NOS1: variants seen among roughly 807,000 people sequenced by gnomAD.
NOS1 encodes the protein nitric oxide synthase 1.
NOS1 carries 51 observed loss-of-function variants against 164.5 expected under a neutral mutation model. That is an observed-to-expected ratio of 0.31 (90% CI 0.25 to 0.39). The LOEUF is 0.39. Among genes scored for constraint, NOS1 ranks in the 10% least tolerant of loss-of-function variants. The probability of loss-of-function intolerance (pLI) is 1.00; values close to 1 mark genes in which losing one functional copy is unlikely to be tolerated. For missense variants in NOS1, 1,362 were observed against 1,885.6 expected (o/e 0.72, Z 5.14); for synonymous variants, 719 against 745.8 (o/e 0.96, Z 0.59).
chr12:117,325,937 T>C (rs528110633), intron 2 of NOS1, among the ~76,000 whole-genome samples: 1 of 152,392 alleles, frequency 6.6e-6, no homozygotes, highest in East Asian at 1.9e-4. Context: ...CTTCATTTTA[T>C]AGTTAATGGC....
intron 7 of NOS1, 95 bp from the exon 8 acceptor site, chr12:117,280,961 A>C: frequency 7.0e-7 from 1 of 1,435,016 alleles, no homozygotes; most frequent in East Asian, 2.3e-5. Context: ...CAGCTGCTTG[A>C]GGCTCAGGGT....
At position 117,272,324 on chromosome 12, in the gene NOS1, T is replaced by C. The variant is rs1872850955; in HGVS notation, c.1839+61A>G. ...CCAAGCTCGCCGTGGGGAAGGGGAC[T>C]GCTGAGCTGGCACCCTCTGCTATGT... is the stretch of plus-strand genomic sequence containing the variant. On this transcript the variant is annotated intron_variant, in intron 10 of 28. Transcript: ENST00000317775. The surrounding 1 kb of genome is among the most constrained non-coding windows in gnomAD (Gnocchi z 4.3). 1 of 1,588,680 alleles carries C rather than the reference T, an allele frequency of 6.3e-7. No homozygotes were observed. The highest frequency in any genetic ancestry group is 8.6e-7 in the Non-Finnish European group (1 of 1,159,030).
At chr12:117,257,539 G>C (rs977097181) in intron 16 of NOS1, among the ~76,000 whole-genome samples, 1 of 151,000 alleles carries the variant, frequency 6.6e-6, no homozygotes, top group Non-Finnish European at 1.5e-5. Context: ...TTCTAGATTA[G>C]CTGCAACTTC....
In NOS1 at chr12:117,258,513, C is replaced by T. The variant is rs373684705; in HGVS notation, c.2473-58G>A. The T allele has an allele frequency of 6.1e-5, 95 of 1,563,268 alleles. 1 individual carries two copies. In the South Asian group the frequency reaches 9.2e-4, roughly 15 times the overall value. Reference sequence around the variant, plus strand: ...CATCTTAGTAAATGGGAAATCAGGTCGGATACTGAGGGTCTGGGGTCCTGG... The same window carrying T: ...CATCTTAGTAAATGGGAAATCAGGTTGGATACTGAGGGTCTGGGGTCCTGG... On this transcript the variant is annotated intron_variant, in intron 15 of 28. Transcript: ENST00000317775.
intron 17 of NOS1, 77 bp downstream of exon 17, chr12:117,253,561 C>A: frequency 1.0e-6 from 1 of 959,518 alleles, no homozygotes; most frequent in South Asian, 1.4e-5. Context: ...CAACGAAGCG[C>A]TCACTTTGTA....
chr12:117,256,104 G>T, intron 16 of NOS1: 1 of 819,928 alleles, frequency 1.2e-6, no homozygotes, highest in Non-Finnish European at 1.8e-6. Flanking sequence ...CCTGCTGGGA[G>T]GCCATCTAGG....
At chr12:117,314,159 C>G (rs555149416) in intron 2 of NOS1, among the ~76,000 whole-genome samples, 1 of 152,342 alleles carries the variant, frequency 6.6e-6, no homozygotes, top group South Asian at 2.1e-4. Flanking sequence ...GCTTTTCTGC[C>G]TGGAGAGGTT....
At chr12:117,308,300 A>G (rs1874251878) in intron 3 of NOS1, among the ~76,000 whole-genome samples, 1 of 152,130 alleles carries the variant, frequency 6.6e-6, no homozygotes, top group Non-Finnish European at 1.5e-5. Flanking sequence ...TTGAACTAGG[A>G]GTTCGAGACC....
At chr12:117,309,303 T>C (rs538148684) in intron 3 of NOS1, 6 of 981,006 alleles carry the variant, frequency 6.1e-6, no homozygotes, top group South Asian at 4.7e-5. Context: ...AGTGGGACCA[T>C]GGGTCTGACC....
intron 20 of NOS1, among the ~76,000 whole-genome samples, chr12:117,236,815 T>A (rs1473511939): frequency 6.6e-6 from 1 of 152,182 alleles, no homozygotes; most frequent in Non-Finnish European, 1.5e-5. Flanking sequence ...CTGAGCTAGC[T>A]CACGAGCACA....
rs1411589557 is a variant in NOS1 at position 117,290,385 on chromosome 12, G to A, written c.894C>T (p.Ser298=). ...TGAGGAAGCGTGGACACTTGGAGGG[G>A]CTGCCATTCTTTGTGGGGGACTGTT... ...SGKQSPTKNG[S]PSKCPRFLKV... Residue 298 remains serine, a synonymous_variant, in exon 4 of 29, where the codon AGC becomes AGT. Transcript: ENST00000317775. 7.4e-6 allele frequency: 12 copies of A among 1,613,790 alleles called. No individual in the cohort carries two copies. Among genetic ancestry groups the A allele is most frequent in the Non-Finnish European group, 1.0e-5 (12 of 1,179,832 alleles).
Position 117,210,508 on chromosome 12 carries a change from A to G in NOS1, c.*4801T>C. On this transcript the variant is annotated 3_prime_UTR_variant, in exon 29 of 29. Coordinates refer to ENST00000317775, the MANE Select transcript of NOS1 (RefSeq NM_000620.5). ...CGGGTAGGGAAATATACAAGGAAAC[A>G]TGGCTGGTTTAAAACACAGGCTAGA... is the stretch of plus-strand genomic sequence containing the variant. 1 of 985,434 alleles carries G rather than the reference A, an allele frequency of 1.0e-6. No homozygotes were observed. The highest frequency in any genetic ancestry group is 1.2e-6 in the Non-Finnish European group (1 of 829,978). The allele number at this position is 985,434 out of a possible 1,614,324, so 61.0% of individuals were successfully genotyped here. A position where few individuals can be genotyped will look rare whatever the true frequency, so the allele number is the denominator to read the frequency against.
At chr12:117,224,580 C>T (rs954796794) in intron 25 of NOS1, among the ~76,000 whole-genome samples, 3 of 152,220 alleles carry the variant, frequency 2.0e-5, no homozygotes, top group Admixed American at 6.5e-5. Flanking sequence ...CCACCGCGCC[C>T]GGCCAATAAA....
intron 28 of NOS1, among the ~76,000 whole-genome samples, chr12:117,217,265 C>T (rs1233897241): frequency 2.6e-5 from 4 of 152,180 alleles, no homozygotes; most frequent in Non-Finnish European, 5.9e-5. Flanking sequence ...CAGACCTCCA[C>T]CTAGCTCCAG....
intron 2 of NOS1, among the ~76,000 whole-genome samples, chr12:117,313,954 A>G (rs1055764189): frequency 6.6e-5 from 10 of 152,018 alleles, no homozygotes; most frequent in Non-Finnish European, 1.2e-4. Flanking sequence ...CCTCTGTTCT[A>G]TGGTCCTAGC....
Position 117,265,468 on chromosome 12 carries a change from A to C in NOS1, c.1984T>G (p.Ser662Ala), listed in dbSNP as rs1872313598. The part of the protein sequence containing the change: ...TIVDHHSATE[S>A]FIKHMENEYR... ...TCATTCTCCATGTGCTTAATGAAGG[A>C]CTCGGTGGCGGAGTGATGGTCAACA... Residue 662 changes from serine (S) to alanine (A), a missense_variant, in exon 12 of 29, where the codon TCC (serine) becomes GCC (alanine). Ser to Ala is a moderately conservative substitution (Grantham distance 99, BLOSUM62 1). Around this residue, in one of 4 missense-constraint regions of NOS1, gnomAD observed 737 missense variants for 1,030.3 expected, o/e 0.72. Transcript: ENST00000317775. 6.3e-7 allele frequency: 1 copy of C among 1,575,542 alleles called. No homozygotes were observed. Among genetic ancestry groups the C allele is most frequent in the Admixed American group, 1.8e-5 (1 of 54,250 alleles).
chr12:117,244,886 G>C (rs1385461011), intron 18 of NOS1, among the ~76,000 whole-genome samples: 1 of 152,152 alleles, frequency 6.6e-6, no homozygotes, highest in African/African-American at 2.4e-5. Flanking sequence ...TTGTGGTTTC[G>C]AGAGCTGGGG....
chr12:117,239,733 A>T (rs1444483596), intron 20 of NOS1, among the ~76,000 whole-genome samples: 3 of 151,068 alleles, frequency 2.0e-5, no homozygotes, highest in Admixed American at 6.6e-5. Context: ...TATAAGCCTT[A>T]TGAAGCTGGA....
intron 1 of NOS1, 40 bp downstream of exon 1, chr12:117,361,472 C>G (rs1220269469): frequency 6.6e-6 from 1 of 150,706 alleles, no homozygotes; most frequent in East Asian, 2.0e-4. Flanking sequence ...CGGGCTTCCC[C>G]GGCGCAGTGC....
Sources: gnomAD v4.1 joint callset for allele counts (sites outside exome capture counted in the v4.1 genomes callset) on GRCh38, gnomAD v4.1.1 for gene constraint, gnomAD v4.1.1 regional missense constraint, Gnocchi (gnomAD v3.1) non-coding constraint, MANE v1.5 for transcripts, NCBI Gene and HGNC (gene_info 2026-07-23, HGNC 2026-07-21) for gene names.